Variants in KCNC3 observed in about 807,000 individuals in gnomAD.
KCNC3 encodes voltage-gated potassium channel KCNC3.
A neutral mutation model predicts 43.9 loss-of-function variants in KCNC3; 22 were observed. That is an observed-to-expected ratio of 0.50 (90% CI 0.36 to 0.72). The LOEUF (loss-of-function observed/expected upper bound fraction) is 0.72, where lower values mean the gene tolerates loss of function less well. KCNC3 is among the 30% of genes least tolerant of loss of function. The probability of loss-of-function intolerance (pLI) is 0.00; values close to 1 mark genes in which losing one functional copy is unlikely to be tolerated. For missense variants in KCNC3, 829 were observed against 1,073.8 expected, an observed-to-expected ratio of 0.77 and a Z score of 3.19; for synonymous variants, 492 against 488.0, an observed-to-expected ratio of 1.01 and a Z score of -0.11.
rs946988991 is a variant in KCNC3, at chr19:50,320,799, GGTCA to G, written c.1979-19_1979-16del. ...GGGGCGAGGATCTGCATCCCAAGGG[GGTCA>G]GACAGAGAGACAAAGGAGAGAGTGA... On this transcript the variant is annotated splice_polypyrimidine_tract_variant and intron_variant, in intron 2 of 4. Coordinates refer to ENST00000477616, the MANE Select transcript of KCNC3 (RefSeq NM_004977.3). 1 of 1,612,516 alleles carries G rather than the reference GGTCA, an allele frequency of 6.2e-7. No individual in the cohort carries two copies. Among genetic ancestry groups the G allele is most frequent in the African/African-American group, 1.3e-5 (1 of 74,864 alleles).
chr19:50,332,222 A>C (rs1181642858), upstream of KCNC3, among the ~76,000 whole-genome samples: 1 of 152,058 alleles, frequency 6.6e-6, no homozygotes, highest in Non-Finnish European at 1.5e-5. This position sits in a 1 kb window ranked among gnomAD's most constrained non-coding sequence, Gnocchi z 5.8. Flanking sequence ...GGTAGGCACT[A>C]TGGGCTAGGT....
chr19:50,333,240 G>T (rs561834557), upstream of KCNC3, among the ~76,000 whole-genome samples: 1 of 152,296 alleles, frequency 6.6e-6, no homozygotes, highest in East Asian at 1.9e-4. Flanking sequence ...GAGATGGGGG[G>T]AGGGGTGACC....
chr19:50,332,603 A>AG (rs2037200665), upstream of KCNC3, among the ~76,000 whole-genome samples: 1 of 151,962 alleles, frequency 6.6e-6, no homozygotes, highest in Non-Finnish European at 1.5e-5. The surrounding 1 kb of genome is among the most constrained non-coding windows in gnomAD (Gnocchi z 5.8). Flanking sequence ...ATTAGAGAGG[A>AG]GGGGGCTTCT....
chr19:50,319,790 TGC>T (rs1380460511), intron 4 of KCNC3, among the ~76,000 whole-genome samples: 1 of 152,108 alleles, frequency 6.6e-6, no homozygotes, highest in Non-Finnish European at 1.5e-5. Context: ...GTACCTGGGA[TGC>T]GTGGGTGCTG....
upstream of KCNC3, chr19:50,329,941 T>A (rs2037165779): frequency 6.6e-6 from 1 of 152,398 alleles, no homozygotes; most frequent in Non-Finnish European, 1.5e-5. Flanking sequence ...GGATGAGTGG[T>A]ACTGAGGAAG....
chr19:50,322,472 G>A (rs552432694), intron 2 of KCNC3, among the ~76,000 whole-genome samples: 2 of 152,022 alleles, frequency 1.3e-5, no homozygotes, highest in South Asian at 2.1e-4. Context: ...GCCGCTGACC[G>A]CCCCCACCTC....
At chr19:50,326,813 T>C (rs1366379257) in intron 1 of KCNC3, among the ~76,000 whole-genome samples, 1 of 148,918 alleles carries the variant, frequency 6.7e-6, no homozygotes, top group Admixed American at 6.8e-5. Flanking sequence ...CTGGGAGCGA[T>C]GGAGAGAGCT....
chr19:50,320,283 TCG>T lies in KCNC3; in HGVS notation c.2235_2236del (p.Asp746ProfsTer114). ...CCAGGCCGCGGCGTTGGCGTTGAGG[TCG>T]GGCAAGAAGCTTGGGGGGCCTGGCT... On this transcript the variant is annotated frameshift_variant, in exon 4 of 5. Transcript: ENST00000477616. LOFTEE classifies it high-confidence loss of function. 1.1e-6 allele frequency: 1 copy of T among 915,462 alleles called. No individual in the cohort carries two copies. Among genetic ancestry groups the T allele is most frequent in the Non-Finnish European group, 1.4e-6 (1 of 698,166 alleles). The allele number at this position is 915,462 out of a possible 1,614,324, so 56.7% of individuals were successfully genotyped here. A position where few individuals can be genotyped will look rare whatever the true frequency, so the allele number is the denominator to read the frequency against.
intron 1 of KCNC3, among the ~76,000 whole-genome samples, chr19:50,327,364 G>C (rs2037119373): frequency 6.6e-6 from 1 of 152,124 alleles, no homozygotes. Context: ...AGGTTGAAGA[G>C]TGTTAAACAC....
Position 50,324,118 on chromosome 19 carries a change from G to T in KCNC3, c.871-36C>A. 2 of 1,549,582 alleles carry T rather than the reference G, an allele frequency of 1.3e-6. No individual in the cohort carries two copies. Among genetic ancestry groups the T allele is most frequent in the South Asian group, 2.5e-5 (2 of 80,174 alleles). ...GGGAGGGAGAGAGAGGGGGAGAGGTGACCTAGGCATCAGGTTGGCCATAAC... is the reference window on the plus strand; with the variant it reads ...GGGAGGGAGAGAGAGGGGGAGAGGTTACCTAGGCATCAGGTTGGCCATAAC... On this transcript the variant is annotated intron_variant, in intron 1 of 4. Transcript: ENST00000477616. The surrounding 1 kb of genome is among the most constrained non-coding windows in gnomAD (Gnocchi z 4.1).
At chr19:50,318,991 C>CAAAAAAAA (rs11326559) in intron 4 of KCNC3, among the ~76,000 whole-genome samples, 9 of 71,436 alleles carry the variant, frequency 1.3e-4, no homozygotes, top group Middle Eastern at 0.01. Context: ...AAGACAGTCT[C>CAAAAAAAA]AAAAAAAAAA....
chr19:50,328,807 G>T lies in KCNC3; in HGVS notation c.276C>A (p.Ile92=), dbSNP rs749787097. 49 of 1,544,932 alleles carry T rather than the reference G, an allele frequency of 3.2e-5. No individual in the cohort carries two copies. In the Admixed American group the frequency reaches 9.3e-4, roughly 29 times the overall value. ...GGGGDSGKIV[I]NVGGVRHETY... ...TCTCATGGCGCACGCCGCCCACGTT[G>T]ATCACGATCTTGCCGCTGTCGCCAC... The change falls in exon 1 of 5, where the codon ATC becomes ATA. Residue 92 remains isoleucine (I), a synonymous_variant. Coordinates refer to ENST00000477616, the MANE Select transcript of KCNC3 (RefSeq NM_004977.3).
At chr19:50,332,030 C>A (rs1454304309), upstream of KCNC3, among the ~76,000 whole-genome samples, 2 of 152,208 alleles carry the variant, frequency 1.3e-5, no homozygotes, top group Non-Finnish European at 2.9e-5. This position sits in a 1 kb window ranked among gnomAD's most constrained non-coding sequence, Gnocchi z 5.8. Context: ...TCCATCATGT[C>A]CTTCAGCTTC....
chr19:50,320,275 C>T lies in KCNC3; in HGVS notation c.2245G>A (p.Ala749Thr), dbSNP rs1365532889. 5.5e-5 allele frequency: 57 copies of T among 1,045,174 alleles called. No individual in the cohort carries two copies. The highest frequency in any genetic ancestry group is 6.7e-5 in the Non-Finnish European group (53 of 787,118). The allele number at this position is 1,045,174 out of a possible 1,614,324, so 64.7% of individuals were successfully genotyped here. A position where few individuals can be genotyped will look rare whatever the true frequency, so the allele number is the denominator to read the frequency against. Reference protein sequence around the residue: ...GPPSFLPDLNANAAAWISP With the variant: ...GPPSFLPDLNTNAAAWISP ...GGGGATATCCAGGCCGCGGCGTTGG[C>T]GTTGAGGTCGGGCAAGAAGCTTGGG... Residue 749 changes from alanine to threonine, a missense_variant, in exon 4 of 5, where the codon GCC becomes ACC. Transcript: ENST00000477616.
In KCNC3 at chr19:50,328,884, C is replaced by A. The variant is rs1555781773; in HGVS notation, c.199G>T (p.Glu67Ter). Residue 67 changes from glutamate to a stop codon, truncating the protein, a stop_gained, in exon 1 of 5, where the codon GAG becomes TAG. Transcript: ENST00000477616. LOFTEE classifies it high-confidence loss of function. The stretch of plus-strand genomic sequence containing the variant: ...GCCGCCGGCAGCCCGGGGCATGGCT[C>A]GGCGCGCCGGTCCCCGGGCCCGCGG... Reference protein sequence around the residue: ...APRGPGDRRAEPCPGLPAAAM... With the variant: ...APRGPGDRRA 2 of 1,086,102 alleles carry A rather than the reference C, an allele frequency of 1.8e-6. No homozygotes were observed. Among genetic ancestry groups the A allele is most frequent in the Non-Finnish European group, 2.2e-6 (2 of 895,086 alleles). 67.3% of individuals were successfully genotyped at this position (1,086,102 alleles called of 1,614,324 possible).
chr19:50,333,502 T>A (rs1339431181), upstream of KCNC3: 1 of 198,860 alleles, frequency 5.0e-6, no homozygotes, highest in Non-Finnish European at 1.1e-5. Context: ...CACCTGTGGC[T>A]GCCGTCGCGA....
upstream of KCNC3, among the ~76,000 whole-genome samples, chr19:50,332,880 T>C (rs139811415): frequency 6.6e-6 from 1 of 152,134 alleles, no homozygotes; most frequent in East Asian, 1.9e-4. This position sits in a 1 kb window ranked among gnomAD's most constrained non-coding sequence, Gnocchi z 5.8. Context: ...GGCCCTGGAA[T>C]TGGGGAAGGG....
rs936146437 is a variant in KCNC3 at position 50,323,105 on chromosome 19, C to T, written c.1848G>A (p.Gly616=). Residue 616 remains glycine (G), a synonymous_variant, in exon 2 of 5, where the codon GGG becomes GGA. Transcript: ENST00000477616. ...TGAGCAGCCCGGGGTGCGTGTGGGG[C>T]CCCGCTGGGTAGGCCCCGGCCACAG... is the stretch of plus-strand genomic sequence containing the variant. ...GVTVAGAYPA[G]PHTHPGLLRG... 7.8e-6 allele frequency: 12 copies of T among 1,538,780 alleles called. No individual in the cohort carries two copies. In the Admixed American group the frequency reaches 2.4e-4, roughly 30 times the overall value.
At chr19:50,321,999 T>C (rs1046753747) in intron 2 of KCNC3, among the ~76,000 whole-genome samples, 8 of 151,882 alleles carry the variant, frequency 5.3e-5, no homozygotes, top group African/African-American at 1.9e-4. Flanking sequence ...AGGGCTAGGT[T>C]AGGTGAGAGA....
Sources: gnomAD v4.1 joint callset for allele counts (sites outside exome capture counted in the v4.1 genomes callset) on GRCh38, gnomAD v4.1.1 for gene constraint, Gnocchi (gnomAD v3.1) non-coding constraint, MANE v1.5 for transcripts, NCBI Gene and HGNC (gene_info 2026-07-23, HGNC 2026-07-21) for gene names.